RBKS: variants seen among roughly 807,000 people sequenced by gnomAD.
RBKS encodes ribokinase.
RBKS carries 33 observed loss-of-function variants against 33.9 expected under a neutral mutation model. That is an observed-to-expected ratio of 0.97 (90% CI 0.74 to 1.30). The LOEUF (loss-of-function observed/expected upper bound fraction) is 1.30. Ranked by LOEUF, RBKS falls within the 50% of genes most tolerant of loss-of-function variation. The pLI is 0.00. For missense variants in RBKS, 361 were observed against 392.6 expected, an observed-to-expected ratio of 0.92 and a Z score of 0.68; for synonymous variants, 125 against 143.0, an observed-to-expected ratio of 0.87 and a Z score of 0.90.
At chr2:27,789,957 A>ATATATATATATATGTATATGTG (rs1677486460) in intron 7 of RBKS, among the ~76,000 whole-genome samples, 1 of 137,644 alleles carries the variant, frequency 7.3e-6, no homozygotes, top group African/African-American at 2.8e-5. Flanking sequence ...GTGTATATAT[A>ATATATATATATATGTATATGTG]TATATATATA....
At position 27,795,555 on chromosome 2, in the gene RBKS, T is replaced by C. The variant is rs945116626; in HGVS notation, c.796-13767A>G. Among the ~76,000 whole-genome samples the C allele has an allele frequency of 3.3e-5, 5 of 152,096 alleles. No homozygotes were observed. The highest frequency in any genetic ancestry group is 9.7e-5 in the African/African-American group (4 of 41,420). ...TATTTATATACACACACACACAACA[T>C]TGACCTCATTTCATCTTCACACTGA... On this transcript the variant is annotated intron_variant, in intron 7 of 7. Transcript: ENST00000302188. This position sits in a 1 kb window ranked among gnomAD's most constrained non-coding sequence, Gnocchi z 4.1.
At chr2:27,827,357 G>A (rs1177438001) in intron 7 of RBKS, among the ~76,000 whole-genome samples, 3 of 152,230 alleles carry the variant, frequency 2.0e-5, no homozygotes, top group East Asian at 1.9e-4. Context: ...AGGAAACTAC[G>A]TCTCAGAGAG....
chr2:27,782,747 T>G (rs776045506), intron 7 of RBKS: 4 of 347,120 alleles, frequency 1.2e-5, no homozygotes, highest in African/African-American at 2.1e-5. Flanking sequence ...CCTTTTTTCA[T>G]GTTGTACTCT....
chr2:27,804,350 A>G (rs1677857365), intron 7 of RBKS, among the ~76,000 whole-genome samples: 1 of 152,216 alleles, frequency 6.6e-6, no homozygotes, highest in Non-Finnish European at 1.5e-5. Flanking sequence ...AAGAAACCTC[A>G]TACTCATTAA....
At position 27,810,866 on chromosome 2, in the gene RBKS, C is replaced by A. The variant is rs923231434; in HGVS notation, c.795+16701G>T. Among the ~76,000 whole-genome samples the A allele has an allele frequency of 1.3e-5, 2 of 152,186 alleles. No homozygotes were observed. Among genetic ancestry groups the A allele is most frequent in the African/African-American group, 2.4e-5 (1 of 41,446 alleles). ...CTTGTAAACTCCAATTTATTCTTCA[C>A]ACAGCAGCCATATTAATCTTTTTAT... On this transcript the variant is annotated intron_variant, in intron 7 of 7. Coordinates refer to ENST00000302188, the MANE Select transcript of RBKS (RefSeq NM_022128.3). The surrounding 1 kb of genome is among the most constrained non-coding windows in gnomAD (Gnocchi z 4.4).
At chr2:27,805,515 T>C (rs879395551) in intron 7 of RBKS, among the ~76,000 whole-genome samples, 3 of 152,216 alleles carry the variant, frequency 2.0e-5, no homozygotes, top group Non-Finnish European at 2.9e-5. Context: ...ATTTCCCAGC[T>C]TTCCCGGGTC....
At chr2:27,824,917 G>T (rs1452069447) in intron 7 of RBKS, among the ~76,000 whole-genome samples, 1 of 152,120 alleles carries the variant, frequency 6.6e-6, no homozygotes, top group Non-Finnish European at 1.5e-5. Flanking sequence ...TGGGTGGATT[G>T]CTTGAGCCCA....
chr2:27,801,214 G>C (rs1337824033), intron 7 of RBKS, among the ~76,000 whole-genome samples: 1 of 152,168 alleles, frequency 6.6e-6, no homozygotes, highest in Non-Finnish European at 1.5e-5. Context: ...GCAGGGCAGT[G>C]CTGGAACCTG....
chr2:27,864,528 C>T (rs2148222651), intron 1 of RBKS, among the ~76,000 whole-genome samples: 1 of 152,274 alleles, frequency 6.6e-6, no homozygotes, highest in East Asian at 1.9e-4. Flanking sequence ...TACATATGGT[C>T]TTCTCCCATG....
chr2:27,878,125 C>T (rs1664349932), intron 1 of RBKS, among the ~76,000 whole-genome samples: 1 of 151,700 alleles, frequency 6.6e-6, no homozygotes, highest in African/African-American at 2.4e-5. Context: ...TGGTGTGCTG[C>T]ACCCATTAAC....
intron 7 of RBKS, among the ~76,000 whole-genome samples, chr2:27,812,536 G>C (rs1188471696): frequency 6.6e-6 from 1 of 152,144 alleles, no homozygotes; most frequent in Non-Finnish European, 1.5e-5. Flanking sequence ...GCCATAAAAG[G>C]ATGAGTTCAT....
At chr2:27,801,596 T>C (rs1257581851) in intron 7 of RBKS, among the ~76,000 whole-genome samples, 1 of 151,942 alleles carries the variant, frequency 6.6e-6, no homozygotes, top group Non-Finnish European at 1.5e-5. Context: ...AACTGTAATA[T>C]AATGTTTGGT....
At chr2:27,831,079 C>T (rs1678406597) in intron 6 of RBKS, among the ~76,000 whole-genome samples, 4 of 152,194 alleles carry the variant, frequency 2.6e-5, no homozygotes, top group Admixed American at 2.0e-4. Context: ...GCCTTTGCGT[C>T]TTCCAACTGA....
intron 1 of RBKS, among the ~76,000 whole-genome samples, chr2:27,880,494 C>T (rs1007408853): frequency 6.6e-6 from 1 of 152,104 alleles, no homozygotes; most frequent in African/African-American, 2.4e-5. Flanking sequence ...TCCCTATTTG[C>T]ATGATTCTAT....
intron 7 of RBKS, among the ~76,000 whole-genome samples, chr2:27,789,400 CTT>C (rs569506674): frequency 5.1e-4 from 66 of 130,104 alleles, no homozygotes; most frequent in Non-Finnish European, 7.0e-4. Context: ...GATTTTGAAG[CTT>C]TTTTTTTTTT....
chr2:27,807,576 C>T (rs1677918931), intron 7 of RBKS, among the ~76,000 whole-genome samples: 1 of 152,068 alleles, frequency 6.6e-6, no homozygotes, highest in Non-Finnish European at 1.5e-5. Flanking sequence ...GATGAGGTCT[C>T]TCTATTGTTG....
intron 7 of RBKS, among the ~76,000 whole-genome samples, chr2:27,821,368 AT>A (rs1305555750): frequency 7.9e-5 from 12 of 152,108 alleles, no homozygotes; most frequent in Admixed American, 2.6e-4. Context: ...TAATTACACT[AT>A]TTTTTAGTTG....
chr2:27,781,687 TG>T lies in RBKS; in HGVS notation c.896del (p.Ala299GlufsTer28). ...GTGTTCCTGCAGCCTGGACACTGACTGCTGCAATGAAATTGGATCTGTTGAG... is the reference window on the plus strand; with the variant it reads ...GTGTTCCTGCAGCCTGGACACTGACTCTGCAATGAAATTGGATCTGTTGAG... ...DMLNRSNFIA[A>X]VSVQAAGTQS... On this transcript the variant is annotated frameshift_variant, in exon 8 of 8. Transcript: ENST00000302188. LOFTEE classifies it high-confidence loss of function. 6.2e-7 allele frequency: 1 copy of T among 1,614,112 alleles called. No homozygotes were observed. Among genetic ancestry groups the T allele is most frequent in the Non-Finnish European group, 8.5e-7 (1 of 1,179,976 alleles).
At chr2:27,881,128 G>A (rs190378929) in intron 1 of RBKS, among the ~76,000 whole-genome samples, 8 of 152,180 alleles carry the variant, frequency 5.3e-5, no homozygotes, top group East Asian at 1.9e-4. Flanking sequence ...GTGTGCCTGC[G>A]GTTCCAGCTA....
Sources: gnomAD v4.1 joint callset for allele counts (sites outside exome capture counted in the v4.1 genomes callset) on GRCh38, gnomAD v4.1.1 for gene constraint, Gnocchi (gnomAD v3.1) non-coding constraint, MANE v1.5 for transcripts, NCBI Gene and HGNC (gene_info 2026-07-23, HGNC 2026-07-21) for gene names.